The following TRIM44 variants were observed in gnomAD, a reference collection of about 807,000 sequenced individuals.
TRIM44 encodes tripartite motif-containing protein 44.
A neutral mutation model predicts 37.4 loss-of-function variants in TRIM44; 13 were observed. The ratio of observed to expected loss-of-function variants is 0.35; its 90% CI spans 0.23 to 0.55. The LOEUF (loss-of-function observed/expected upper bound fraction) is 0.55, where lower values mean the gene tolerates loss of function less well. TRIM44 is among the 20% of genes least tolerant of loss of function. The probability of loss-of-function intolerance (pLI) is 0.89; values close to 1 mark genes in which losing one functional copy is unlikely to be tolerated. For synonymous variants in TRIM44, 175 were observed against 157.2 expected (o/e 1.11, Z -0.85); for missense variants, 426 against 437.2 (o/e 0.97, Z 0.23).
At chr11:35,793,081 A>G (rs1853235699) in intron 4 of TRIM44, among the ~76,000 whole-genome samples, 1 of 152,002 alleles carries the variant, frequency 6.6e-6, no homozygotes, top group Admixed American at 6.6e-5. Flanking sequence ...GGAGCCCACA[A>G]GAACCAAGAT....
chr11:35,665,514 G>C (rs2135480363), intron 1 of TRIM44, among the ~76,000 whole-genome samples: 1 of 149,162 alleles, frequency 6.7e-6, no homozygotes, highest in Admixed American at 6.7e-5. Flanking sequence ...CCTCTGTGAA[G>C]TACCTAGTCA....
At chr11:35,727,922 C>G (rs1412495043) in intron 3 of TRIM44, among the ~76,000 whole-genome samples, 2 of 152,224 alleles carry the variant, frequency 1.3e-5, no homozygotes, top group Non-Finnish European at 2.9e-5. Context: ...ACAAAAGGTT[C>G]AACCAGAGTT....
chr11:35,756,219 A>G (rs1852636540), intron 4 of TRIM44, among the ~76,000 whole-genome samples: 1 of 151,042 alleles, frequency 6.6e-6, no homozygotes, highest in African/African-American at 2.4e-5. Flanking sequence ...GAGGTCCTTC[A>G]CATCCCTTGT....
rs376055282 is a variant in TRIM44 at position 35,763,091 on chromosome 11, A to G, written c.1007+27646A>G. 1.1e-4 allele frequency among the ~76,000 whole-genome samples: 16 copies of G among 152,332 alleles called. No homozygotes were observed. The East Asian group carries it at 3.1e-3, about 29-fold the overall frequency. On this transcript the variant is annotated intron_variant, in intron 4 of 4. Coordinates refer to ENST00000299413, the MANE Select transcript of TRIM44 (RefSeq NM_017583.6). ...TACATGTCCACTCTGGATCAGCTTT[A>G]GCTCTGCTCCCTTCTCCTTTATTCT...
intron 2 of TRIM44, among the ~76,000 whole-genome samples, chr11:35,689,156 C>G (rs1378601953): frequency 6.6e-6 from 1 of 152,118 alleles, no homozygotes; most frequent in Non-Finnish European, 1.5e-5. Flanking sequence ...GAAAGGGATC[C>G]TGGTCGGGAT....
intron 3 of TRIM44, 122 bp from the exon 4 acceptor site, chr11:35,735,304 C>A: frequency 1.1e-6 from 1 of 929,512 alleles, no homozygotes. Flanking sequence ...TGGTTTGTCT[C>A]TGTTACAATA....
chr11:35,806,517 C>T lies in TRIM44; in HGVS notation c.*132C>T. 1.1e-6 allele frequency: 1 copy of T among 909,510 alleles called. No homozygotes were observed. Among genetic ancestry groups the T allele is most frequent in the Non-Finnish European group, 1.8e-6 (1 of 556,746 alleles). The allele number at this position is 909,510 out of a possible 1,614,324, so 56.3% of individuals were successfully genotyped here. Reference sequence around the variant, plus strand: ...CTTCCACCAGATGTGTCCCCAGATCCACAGCAGGCACATATCTCTCCAAGG... The same window carrying T: ...CTTCCACCAGATGTGTCCCCAGATCTACAGCAGGCACATATCTCTCCAAGG... On this transcript the variant is annotated 3_prime_UTR_variant, in exon 5 of 5. Coordinates refer to ENST00000299413, the MANE Select transcript of TRIM44 (RefSeq NM_017583.6).
At chr11:35,723,393 T>A (rs1296899286) in intron 2 of TRIM44, among the ~76,000 whole-genome samples, 1 of 152,334 alleles carries the variant, frequency 6.6e-6, no homozygotes, top group South Asian at 2.1e-4. Flanking sequence ...TTCACCCTAA[T>A]GCAACTATAA....
chr11:35,734,451 A>G (rs1852305382), intron 3 of TRIM44, among the ~76,000 whole-genome samples: 1 of 152,202 alleles, frequency 6.6e-6, no homozygotes, highest in South Asian at 2.1e-4. Flanking sequence ...TTGAACCCAG[A>G]ACATCGGACT....
At chr11:35,734,918 G>C (rs1164138960) in intron 3 of TRIM44, among the ~76,000 whole-genome samples, 2 of 152,180 alleles carry the variant, frequency 1.3e-5, no homozygotes, top group African/African-American at 4.8e-5. Context: ...ACAGAGCTTG[G>C]ACTAGAATCC....
chr11:35,813,826 A>G lies in TRIM44; in HGVS notation c.*7441A>G, dbSNP rs1853553039. On this transcript the variant is annotated 3_prime_UTR_variant, in exon 5 of 5. Transcript: ENST00000299413. Reference sequence around the variant, plus strand: ...AGGAATAAACCTTTGACCATCCAGAATATTTAGCTAAATCAAACAGTGTAT... The same window carrying G: ...AGGAATAAACCTTTGACCATCCAGAGTATTTAGCTAAATCAAACAGTGTAT... 6.6e-6 allele frequency: 1 copy of G among 152,194 alleles called. No homozygotes were observed. Among genetic ancestry groups the G allele is most frequent in the Non-Finnish European group, 1.5e-5 (1 of 68,030 alleles). 9.4% of individuals were successfully genotyped at this position (152,194 alleles called of 1,614,324 possible).
chr11:35,703,481 C>A (rs202043481), intron 2 of TRIM44, among the ~76,000 whole-genome samples: 4 of 151,482 alleles, frequency 2.6e-5, no homozygotes, highest in African/African-American at 9.7e-5. Flanking sequence ...TGACCCCTGA[C>A]CCCCGAGCAG....
rs143455042 is a variant in TRIM44 at position 35,791,532 on chromosome 11, CA to C, written c.1008-14825del. ...TTCAAGCATGACCCATAAAGATAAGCATTAGGAGCTGCTGATGAGACACGTT... is the reference window on the plus strand; with the variant it reads ...TTCAAGCATGACCCATAAAGATAAGCTTAGGAGCTGCTGATGAGACACGTT... On this transcript the variant is annotated intron_variant, in intron 4 of 4. Transcript: ENST00000299413. Among the ~76,000 whole-genome samples the C allele has an allele frequency of 3.9e-5, 6 of 152,170 alleles. No homozygotes were observed. The East Asian group carries it at 1.2e-3, about 29-fold the overall frequency.
At chr11:35,699,607 A>G (rs1008012622) in intron 2 of TRIM44, among the ~76,000 whole-genome samples, 8 of 151,904 alleles carry the variant, frequency 5.3e-5, no homozygotes, top group East Asian at 3.9e-4. Context: ...GGCCAGGGCA[A>G]TCAGGCAGGA....
At chr11:35,766,407 G>C (rs1402123277) in intron 4 of TRIM44, among the ~76,000 whole-genome samples, 1 of 152,194 alleles carries the variant, frequency 6.6e-6, no homozygotes, top group Non-Finnish European at 1.5e-5. Flanking sequence ...GGTAAATTGG[G>C]AAAGGTAGGC....
At chr11:35,688,007 C>A (rs138167802) in intron 2 of TRIM44, among the ~76,000 whole-genome samples, 18 of 152,262 alleles carry the variant, frequency 1.2e-4, no homozygotes, top group African/African-American at 3.8e-4. Flanking sequence ...AAAAAACAGG[C>A]CACTTAAATA....
rs560548964 is a variant in TRIM44, at chr11:35,676,381, C to T, written c.670-8878C>T. ...GTTTCTTGGGTGCAAACTGTTCATC[C>T]CCCTCTCCTTCTGTTCCTTCTGCCT... On this transcript the variant is annotated intron_variant, in intron 1 of 4. Transcript: ENST00000299413. 9.9e-5 allele frequency among the ~76,000 whole-genome samples: 15 copies of T among 152,230 alleles called. No homozygotes were observed. The South Asian group carries it at 3.1e-3, about 32-fold the overall frequency.
intron 3 of TRIM44, among the ~76,000 whole-genome samples, chr11:35,732,592 G>C (rs147088231): frequency 8.0e-4 from 122 of 152,320 alleles, no homozygotes; most frequent in Non-Finnish European, 1.5e-3. Flanking sequence ...GGCACTGTTT[G>C]ATGTTGTCAT....
Position 35,817,470 on chromosome 11 carries a change from G to A in TRIM44, c.*11085G>A, listed in dbSNP as rs1474259658. On this transcript the variant is annotated 3_prime_UTR_variant, in exon 5 of 5. Transcript: ENST00000299413. ...GGTAAGATCTTAGCAAAGTAAAAAG[G>A]ACAGTGATAACAGAAAAATTGTTCC... The A allele has an allele frequency of 2.0e-5, 3 of 152,112 alleles. No individual in the cohort carries two copies. Among genetic ancestry groups the A allele is most frequent in the African/African-American group, 7.2e-5 (3 of 41,416 alleles). The allele number at this position is 152,112 out of a possible 1,614,324, so 9.4% of individuals were successfully genotyped here.
Sources: gnomAD v4.1 joint callset for allele counts (sites outside exome capture counted in the v4.1 genomes callset) on GRCh38, gnomAD v4.1.1 for gene constraint, MANE v1.5 for transcripts, NCBI Gene and HGNC (gene_info 2026-07-23, HGNC 2026-07-21) for gene names.